Variants in JMJD1C observed in about 807,000 individuals in gnomAD.
JMJD1C encodes jumonji domain-containing protein 1C.
A neutral mutation model predicts 245.3 loss-of-function variants in JMJD1C; 31 were observed. That is an observed-to-expected ratio of 0.13 (90% confidence interval 0.09 to 0.17). The LOEUF is 0.17. Among genes scored for constraint, JMJD1C ranks in the 10% least tolerant of loss-of-function variants. The probability of loss-of-function intolerance (pLI) is 1.00; values close to 1 mark genes in which losing one functional copy is unlikely to be tolerated. For missense variants in JMJD1C, 2,691 were observed against 3,000.2 expected, an observed-to-expected ratio of 0.90 and a Z score of 2.41; for synonymous variants, 1,057 against 1,017.4, an observed-to-expected ratio of 1.04 and a Z score of -0.74.
At chr10:63,183,720 A>C (rs1188353042) in intron 21 of JMJD1C, 151 bp from the exon 22 acceptor site, 2 of 460,008 alleles carry the variant, frequency 4.3e-6, no homozygotes, top group Non-Finnish European at 7.5e-6. Context: ...AAAAGCCACA[A>C]TCTATAAAAG....
chr10:63,344,472 C>T (rs185735160), intron 2 of JMJD1C, among the ~76,000 whole-genome samples: 5 of 152,202 alleles, frequency 3.3e-5, no homozygotes, highest in East Asian at 3.9e-4. Context: ...AATGTATCCC[C>T]TCCATTAAGT....
At chr10:63,396,526 G>A (rs1948497921) in intron 1 of JMJD1C, among the ~76,000 whole-genome samples, 1 of 152,304 alleles carries the variant, frequency 6.6e-6, no homozygotes, top group Non-Finnish European at 1.5e-5. Flanking sequence ...GACATGTGGT[G>A]TGCACACAAC....
chr10:63,456,420 TAG>T (rs1387293811), intron 1 of JMJD1C, among the ~76,000 whole-genome samples: 2 of 152,136 alleles, frequency 1.3e-5, no homozygotes, highest in Non-Finnish European at 2.9e-5. Flanking sequence ...AATCACAATA[TAG>T]AGAGGAAATA....
At chr10:63,454,754 C>T (rs1952299983) in intron 1 of JMJD1C, among the ~76,000 whole-genome samples, 2 of 152,136 alleles carry the variant, frequency 1.3e-5, no homozygotes, top group African/African-American at 4.8e-5. Context: ...TATTGAAGTG[C>T]CACACATTAG....
At chr10:63,353,194 G>C (rs1944509928) in intron 2 of JMJD1C, among the ~76,000 whole-genome samples, 1 of 152,154 alleles carries the variant, frequency 6.6e-6, no homozygotes, top group South Asian at 2.1e-4. Context: ...AGTTAACTAG[G>C]AAAACTTTCT....
chr10:63,425,885 T>C (rs1263923303), intron 1 of JMJD1C, among the ~76,000 whole-genome samples: 3 of 152,254 alleles, frequency 2.0e-5, no homozygotes, highest in Non-Finnish European at 4.4e-5. Flanking sequence ...GTGAGTGTTC[T>C]TGAATTTGGA....
At chr10:63,295,131 G>C (rs1229734200) in intron 2 of JMJD1C, among the ~76,000 whole-genome samples, 2 of 152,032 alleles carry the variant, frequency 1.3e-5, no homozygotes, top group Non-Finnish European at 2.9e-5. Flanking sequence ...CGTGTCGTTG[G>C]GGCTGGAGTA....
intron 2 of JMJD1C, among the ~76,000 whole-genome samples, chr10:63,358,075 C>T (rs575406614): frequency 5.9e-5 from 9 of 151,772 alleles, no homozygotes; most frequent in Non-Finnish European, 1.2e-4. Flanking sequence ...TTTTGAATTA[C>T]AATAATGAAA....
At chr10:63,485,206 A>C (rs987577910) in intron 1 of JMJD1C, among the ~76,000 whole-genome samples, 1 of 152,132 alleles carries the variant, frequency 6.6e-6, no homozygotes, top group Non-Finnish European at 1.5e-5. Context: ...CTAAGTGTTC[A>C]TTGCTTTTTG....
At chr10:63,443,074 TC>T (rs1951486905) in intron 1 of JMJD1C, among the ~76,000 whole-genome samples, 1 of 152,146 alleles carries the variant, frequency 6.6e-6, no homozygotes, top group African/African-American at 2.4e-5. Context: ...AATTGGGGGC[TC>T]CCAGGCCCCC....
chr10:63,207,423 C>A lies in JMJD1C; in HGVS notation c.4246G>T (p.Val1416Leu), dbSNP rs1199948938. The A allele has an allele frequency of 6.2e-7, 1 of 1,614,168 alleles. No individual in the cohort carries two copies. The highest frequency in any genetic ancestry group is 2.2e-5 in the East Asian group (1 of 44,884). ...ATGGTATTTGATAAAGAGGAAATTACTTCTGAACCACCCCAGCTGGAAACA... is the reference window on the plus strand; with the variant it reads ...ATGGTATTTGATAAAGAGGAAATTAATTCTGAACCACCCCAGCTGGAAACA... Reference protein sequence around the residue: ...TSVSSWGGSEVISSLSNTILA... With the variant: ...TSVSSWGGSELISSLSNTILA... The change falls in exon 10 of 26, where the codon GTA (valine) becomes TTA (leucine). Residue 1416 changes from valine to leucine, a missense_variant. Transcript: ENST00000399262.
At chr10:63,396,908 T>C (rs1477939502) in intron 1 of JMJD1C, among the ~76,000 whole-genome samples, 1 of 150,414 alleles carries the variant, frequency 6.6e-6, no homozygotes, top group Admixed American at 6.6e-5. Context: ...CACAGCCACG[T>C]TCAAGAAGAA....
At chr10:63,433,224 G>A (rs1199870349) in intron 1 of JMJD1C, among the ~76,000 whole-genome samples, 1 of 151,898 alleles carries the variant, frequency 6.6e-6, no homozygotes, top group African/African-American at 2.4e-5. Flanking sequence ...AGCCTCCCGA[G>A]TAGCTGGGAT....
At chr10:63,455,162 G>C (rs1211058413) in intron 1 of JMJD1C, among the ~76,000 whole-genome samples, 1 of 152,170 alleles carries the variant, frequency 6.6e-6, no homozygotes, top group Non-Finnish European at 1.5e-5. Context: ...GCTGATCGGG[G>C]CAGGTGTGGG....
At chr10:63,499,501 G>A (rs1003886204) in intron 1 of JMJD1C, among the ~76,000 whole-genome samples, 1 of 152,158 alleles carries the variant, frequency 6.6e-6, no homozygotes, top group Non-Finnish European at 1.5e-5. Context: ...GTATAGGCAA[G>A]ACTGACTAGA....
chr10:63,430,161 G>A (rs187662845), intron 1 of JMJD1C, among the ~76,000 whole-genome samples: 6 of 152,242 alleles, frequency 3.9e-5, no homozygotes, highest in Non-Finnish European at 7.4e-5. Context: ...ATAAAGTTGG[G>A]AAATTACTTC....
chr10:63,239,006 G>C (rs1413303872), intron 3 of JMJD1C, among the ~76,000 whole-genome samples: 1 of 152,122 alleles, frequency 6.6e-6, no homozygotes, highest in African/African-American at 2.4e-5. Flanking sequence ...AGACAAAATG[G>C]GTTGGCGGGT....
At chr10:63,252,397 A>G (rs9414783) in intron 3 of JMJD1C, among the ~76,000 whole-genome samples, 4,261 of 152,262 alleles carry the variant, frequency 0.028, 166 homozygotes, top group African/African-American at 0.086. Context: ...GGATAGGTTT[A>G]ATCCAATCAG....
At position 63,208,032 on chromosome 10, in the gene JMJD1C, T is replaced by C; in HGVS notation, c.3637A>G (p.Ile1213Val). The C allele has an allele frequency of 1.2e-6, 2 of 1,614,100 alleles. No homozygotes were observed. The highest frequency in any genetic ancestry group is 1.7e-6 in the Non-Finnish European group (2 of 1,179,984). Residue 1213 changes from isoleucine to valine, a missense_variant, in exon 10 of 26, where the codon ATC (isoleucine) becomes GTC (valine). Ile to Val is a conservative substitution (Grantham distance 29). Transcript: ENST00000399262. ...LHRAPVFHPP[I>V]HHSLERKEGS... Reference sequence around the variant, plus strand: ...TCCTTTCTTTCCAGGCTGTGATGGATTGGTGGGTGAAATACTGGTGCTCTA... The same window carrying C: ...TCCTTTCTTTCCAGGCTGTGATGGACTGGTGGGTGAAATACTGGTGCTCTA...
Sources: allele counts gnomAD v4.1 joint callset (sites outside exome capture counted in the v4.1 genomes callset), GRCh38; gene constraint gnomAD v4.1.1; transcripts MANE v1.5; gene names NCBI Gene and HGNC (gene_info 2026-07-23, HGNC 2026-07-21).